SLC25A21: variants seen among roughly 807,000 people sequenced by gnomAD.
The protein encoded by SLC25A21 is solute carrier family 25 member 21.
Under a neutral mutation model 43.8 loss-of-function variants are expected in SLC25A21, and 47 were observed. That is an observed-to-expected ratio of 1.07 (90% CI 0.85 to 1.37). The LOEUF is 1.37. Among genes scored for constraint, SLC25A21 ranks in the 40% most tolerant of loss-of-function variants. The probability of loss-of-function intolerance (pLI) is 0.00; values close to 1 mark genes in which losing one functional copy is unlikely to be tolerated. For synonymous variants in SLC25A21, 131 were observed against 121.3 expected, an observed-to-expected ratio of 1.08 and a Z score of -0.52; for missense variants, 352 against 350.2, an observed-to-expected ratio of 1.00 and a Z score of -0.04.
intron 1 of SLC25A21, among the ~76,000 whole-genome samples, chr14:36,929,592 C>G (rs1251353507): frequency 2.0e-5 from 3 of 152,030 alleles, no homozygotes; most frequent in Admixed American, 6.6e-5. Flanking sequence ...TTCGAAGTAG[C>G]AGGCTTGGCG....
chr14:37,172,430 A>G lies in SLC25A21; in HGVS notation c.-80T>C, dbSNP rs1172929524. The G allele has an allele frequency of 2.0e-5, 29 of 1,447,214 alleles. No homozygotes were observed. The highest frequency in any genetic ancestry group is 2.6e-5 in the Non-Finnish European group (27 of 1,051,720). The allele number at this position is 1,447,214 out of a possible 1,614,324, so 89.6% of individuals were successfully genotyped here. On this transcript the variant is annotated 5_prime_UTR_variant, in exon 1 of 10. Coordinates refer to ENST00000331299, the MANE Select transcript of SLC25A21 (RefSeq NM_030631.4). ...GCCTGCACAGCCTACTGATCCAGAGAGCCCCGGCTGGGCTGGTCCTCAAGC... is the reference window on the plus strand; with the variant it reads ...GCCTGCACAGCCTACTGATCCAGAGGGCCCCGGCTGGGCTGGTCCTCAAGC...
At chr14:36,840,675 G>C (rs1889357805) in intron 2 of SLC25A21, among the ~76,000 whole-genome samples, 1 of 152,132 alleles carries the variant, frequency 6.6e-6, no homozygotes, top group African/African-American at 2.4e-5. Flanking sequence ...CTATCTAAAA[G>C]TTTTCCCGTT....
intron 3 of SLC25A21, among the ~76,000 whole-genome samples, chr14:36,803,798 A>G (rs1038479418): frequency 6.6e-6 from 1 of 152,138 alleles, no homozygotes; most frequent in Non-Finnish European, 1.5e-5. Context: ...CCATCTGACA[A>G]TTCATCCAAG....
intron 2 of SLC25A21, among the ~76,000 whole-genome samples, chr14:36,856,974 C>T (rs1336090997): frequency 6.6e-6 from 1 of 152,206 alleles, no homozygotes; most frequent in Non-Finnish European, 1.5e-5. Flanking sequence ...TTAATTCCTG[C>T]AAACAATGCT....
Position 37,144,805 on chromosome 14 carries a change from G to A in SLC25A21, c.70+27476C>T, listed in dbSNP as rs1293523697. 2.0e-5 allele frequency among the ~76,000 whole-genome samples: 3 copies of A among 151,252 alleles called. No individual in the cohort carries two copies. The East Asian group carries it at 5.8e-4, about 29-fold the overall frequency. On this transcript the variant is annotated intron_variant, in intron 1 of 9. Transcript: ENST00000331299. ...TTGGGTTTTTTTTTTTGTTTTTTTA[G>A]TATTTTTAGTAGAGATAGGATTTCA... is the stretch of plus-strand genomic sequence containing the variant.
chr14:36,849,257 G>T (rs1265072167), intron 2 of SLC25A21, among the ~76,000 whole-genome samples: 1 of 152,134 alleles, frequency 6.6e-6, no homozygotes, highest in Non-Finnish European at 1.5e-5. Context: ...ATGCCCATCT[G>T]TATTTGTTCC....
chr14:36,714,931 T>C (rs1884059742), intron 6 of SLC25A21, among the ~76,000 whole-genome samples: 1 of 152,226 alleles, frequency 6.6e-6, no homozygotes, highest in African/African-American at 2.4e-5. Flanking sequence ...TGATTGCTTC[T>C]CTCAGCAACC....
rs189760439 is a variant in SLC25A21, at chr14:36,736,313, T to C, written c.204-1740A>G. On this transcript the variant is annotated intron_variant, in intron 3 of 9. Coordinates refer to ENST00000331299, the MANE Select transcript of SLC25A21 (RefSeq NM_030631.4). ...AGCAGATACATGATTTGGAGAGCTA[T>C]GGCAATTCATGAGTTGTCCCCACCC... 8.1e-4 allele frequency among the ~76,000 whole-genome samples: 123 copies of C among 152,304 alleles called. No individual in the cohort carries two copies. The Middle Eastern group carries it at 0.017, about 21-fold the overall frequency.
At chr14:36,887,418 C>T (rs766605246) in intron 1 of SLC25A21, among the ~76,000 whole-genome samples, 76 of 151,998 alleles carry the variant, frequency 5.0e-4, no homozygotes, top group Admixed American at 8.5e-4. Flanking sequence ...CAAAAGTTAG[C>T]TGGGCGTGGT....
At chr14:36,839,747 C>T (rs1889324007) in intron 2 of SLC25A21, among the ~76,000 whole-genome samples, 1 of 152,160 alleles carries the variant, frequency 6.6e-6, no homozygotes, top group Admixed American at 6.5e-5. Flanking sequence ...TGTAATTACA[C>T]AAACCATGAT....
chr14:36,729,087 A>C lies in SLC25A21; in HGVS notation c.330+420T>G, dbSNP rs558306002. Among the ~76,000 whole-genome samples the C allele has an allele frequency of 4.7e-4, 71 of 152,336 alleles. 2 individuals carry two copies. In the East Asian group the frequency reaches 7.5e-3, roughly 16 times the overall value. On this transcript the variant is annotated intron_variant, in intron 5 of 9. Coordinates refer to ENST00000331299, the MANE Select transcript of SLC25A21 (RefSeq NM_030631.4). ...TCAGTCTGCATCTGACCACAGAGTG[A>C]CTTTATCCCAAGGGATCGATCTGAA...
chr14:37,123,403 A>G (rs1963244461), intron 1 of SLC25A21, among the ~76,000 whole-genome samples: 1 of 152,234 alleles, frequency 6.6e-6, no homozygotes, highest in African/African-American at 2.4e-5. Context: ...CCTTCTGAGG[A>G]AGCAATTTTT....
chr14:36,877,856 A>G (rs912627050), intron 1 of SLC25A21, among the ~76,000 whole-genome samples: 1 of 152,076 alleles, frequency 6.6e-6, no homozygotes, highest in Non-Finnish European at 1.5e-5. Context: ...ATGTTTAGTC[A>G]CTTCCACTTT....
chr14:36,904,937 G>A (rs1451209595), intron 1 of SLC25A21, among the ~76,000 whole-genome samples: 1 of 152,130 alleles, frequency 6.6e-6, no homozygotes, highest in Non-Finnish European at 1.5e-5. Flanking sequence ...TTATGAGGAG[G>A]CCACTGTGGA....
chr14:37,166,810 G>A (rs555629481), intron 1 of SLC25A21, among the ~76,000 whole-genome samples: 2 of 152,254 alleles, frequency 1.3e-5, no homozygotes, highest in East Asian at 3.9e-4. Context: ...TTCTTTGTAG[G>A]TGTTTTGAAG....
rs6571764 is a variant in SLC25A21 at position 36,812,941 on chromosome 14, A to C, written c.203+977T>G. ...TTGTAAGAAGAATCCCTACTACATA[A>C]TAGAAGCTAAATATATACTAATTAT... On this transcript the variant is annotated intron_variant, in intron 3 of 9. Coordinates refer to ENST00000331299, the MANE Select transcript of SLC25A21 (RefSeq NM_030631.4). Among the ~76,000 whole-genome samples the C allele has an allele frequency of 2.1e-3, 327 of 152,306 alleles. 1 individual carries two copies. Among genetic ancestry groups the C allele is most frequent in the African/African-American group, 7.5e-3 (311 of 41,558 alleles).
chr14:36,937,712 G>A (rs1405946788), intron 1 of SLC25A21, among the ~76,000 whole-genome samples: 1 of 152,126 alleles, frequency 6.6e-6, no homozygotes, highest in African/African-American at 2.4e-5. Flanking sequence ...AGTCCACGTG[G>A]GAATGGAGGA....
Position 36,888,634 on chromosome 14 carries a change from C to T in SLC25A21, c.71-13630G>A, listed in dbSNP as rs138981084. On this transcript the variant is annotated intron_variant, in intron 1 of 9. Transcript: ENST00000331299. Reference sequence around the variant, plus strand: ...GCTTCCTCCCTCTGTGCCCTTCCTACGGTGTATCTTACAAGAAGAAAGAGG... The same window carrying T: ...GCTTCCTCCCTCTGTGCCCTTCCTATGGTGTATCTTACAAGAAGAAAGAGG... Among the ~76,000 whole-genome samples the T allele has an allele frequency of 2.3e-3, 344 of 152,182 alleles. 2 individuals are homozygous for T. The highest frequency in any genetic ancestry group is 7.2e-3 in the African/African-American group (301 of 41,552).
At chr14:37,104,590 A>T (rs372074444) in intron 1 of SLC25A21, among the ~76,000 whole-genome samples, 288 of 152,326 alleles carry the variant, frequency 1.9e-3, no homozygotes, top group African/African-American at 6.3e-3. Flanking sequence ...CCGTGGCACA[A>T]ACTTAACAGC....
Sources: allele counts gnomAD v4.1 joint callset (sites outside exome capture counted in the v4.1 genomes callset), GRCh38; gene constraint gnomAD v4.1.1; transcripts MANE v1.5; gene names NCBI Gene and HGNC (gene_info 2026-07-23, HGNC 2026-07-21).